Variants in LHFPL4 observed in about 807,000 individuals in gnomAD.
The protein encoded by LHFPL4 is LHFPL tetraspan subfamily member 4.
Under a neutral mutation model 20.0 loss-of-function variants are expected in LHFPL4, and 6 were observed. The ratio of observed to expected loss-of-function variants is 0.30; its 90% CI spans 0.16 to 0.59. The LOEUF (loss-of-function observed/expected upper bound fraction) is 0.59. LHFPL4 is among the 20% of genes least tolerant of loss of function. LHFPL4 has a pLI of 0.88. For synonymous variants in LHFPL4, 129 were observed against 143.8 expected, an observed-to-expected ratio of 0.90 and a Z score of 0.74; for missense variants, 215 against 331.2, an observed-to-expected ratio of 0.65 and a Z score of 2.72.
chr3:9,512,639 T>A (rs1031982893), intron 2 of LHFPL4, among the ~76,000 whole-genome samples: 1 of 152,204 alleles, frequency 6.6e-6, no homozygotes, highest in Non-Finnish European at 1.5e-5. Context: ...TTCCAACCTC[T>A]CTTGCAGTCA....
At chr3:9,509,043 C>T (rs905370565) in intron 2 of LHFPL4, among the ~76,000 whole-genome samples, 7 of 152,210 alleles carry the variant, frequency 4.6e-5, no homozygotes, top group Non-Finnish European at 1.0e-4. Flanking sequence ...GGAAACCGGG[C>T]CTGCATCCCG....
intron 2 of LHFPL4, among the ~76,000 whole-genome samples, chr3:9,536,591 A>G (rs1574851627): frequency 1.3e-5 from 2 of 152,094 alleles, no homozygotes; most frequent in African/African-American, 4.8e-5. Context: ...GTCACCTTCA[A>G]ACTAGTTTCT....
rs2046154863 is a variant in LHFPL4 at position 9,499,411 on chromosome 3, G to C, written c.*2800C>G. 1 of 152,840 alleles carries C rather than the reference G, an allele frequency of 6.5e-6. No individual in the cohort carries two copies. The highest frequency in any genetic ancestry group is 2.4e-5 in the African/African-American group (1 of 41,426). 9.5% of individuals were successfully genotyped at this position (152,840 alleles called of 1,614,324 possible). ...TTCTACCCCTTGCCTGTGTCACCCT[G>C]GGGTTCCCGCAGACTTCAGCCCACA... On this transcript the variant is annotated 3_prime_UTR_variant, in exon 4 of 4. Transcript: ENST00000287585.
intron 2 of LHFPL4, among the ~76,000 whole-genome samples, chr3:9,528,518 C>T (rs2046388527): frequency 6.6e-6 from 1 of 152,190 alleles, no homozygotes; most frequent in African/African-American, 2.4e-5. Flanking sequence ...GTATTCAGCT[C>T]CTCAAAGTCA....
In LHFPL4 at chr3:9,505,932, TCCCGCCGCTG is replaced by T. The variant is rs773846256; in HGVS notation, c.643+25_643+34del. On this transcript the variant is annotated intron_variant, in intron 3 of 3. Transcript: ENST00000287585. Reference sequence around the variant, plus strand: ...CCTGCCTCCCAGGACCAGGCCTGGCTCCCGCCGCTGCCCCCCAGCCCACAGCACACTCGCC... The same window carrying T: ...CCTGCCTCCCAGGACCAGGCCTGGCTCCCCCCAGCCCACAGCACACTCGCC... 14 of 1,582,850 alleles carry T rather than the reference TCCCGCCGCTG, an allele frequency of 8.8e-6. No homozygotes were observed. In the Admixed American group the frequency reaches 2.2e-4, roughly 25 times the overall value.
At chr3:9,510,461 T>G (rs2046250684) in intron 2 of LHFPL4, among the ~76,000 whole-genome samples, 1 of 144,200 alleles carries the variant, frequency 6.9e-6, no homozygotes. Context: ...AAGGCCCTAA[T>G]GTAGGGGATT....
In LHFPL4 at chr3:9,538,759, C is replaced by T. The variant is rs141802174; in HGVS notation, c.406+13515G>A. Reference sequence around the variant, plus strand: ...TGTCACCCAGGCTGGAGTGCAATGGCGCAATCTTGGCTCACTGCAACCTCC... The same window carrying T: ...TGTCACCCAGGCTGGAGTGCAATGGTGCAATCTTGGCTCACTGCAACCTCC... On this transcript the variant is annotated intron_variant, in intron 2 of 3. Transcript: ENST00000287585. Among the ~76,000 whole-genome samples, 788 of 150,986 alleles carry T rather than the reference C, an allele frequency of 5.2e-3. 8 individuals are homozygous for T. Among genetic ancestry groups the T allele is most frequent in the African/African-American group, 0.018 (756 of 41,042 alleles).
At chr3:9,523,308 G>C (rs1309948550) in intron 2 of LHFPL4, among the ~76,000 whole-genome samples, 1 of 151,270 alleles carries the variant, frequency 6.6e-6, no homozygotes, top group Non-Finnish European at 1.5e-5. Context: ...TTGAACCTGG[G>C]AGGCGGAGGT....
At chr3:9,536,019 T>A (rs1559521591) in intron 2 of LHFPL4, among the ~76,000 whole-genome samples, 2 of 152,184 alleles carry the variant, frequency 1.3e-5, no homozygotes, top group Non-Finnish European at 2.9e-5. Flanking sequence ...CAGGCTGGTT[T>A]TGAACTCCTG....
chr3:9,505,850 C>G (rs778843856), intron 3 of LHFPL4, 117 bp downstream of exon 3: 1 of 1,009,052 alleles, frequency 9.9e-7, no homozygotes, highest in Non-Finnish European at 1.5e-6. Flanking sequence ...TGAGCCACCA[C>G]GCCCAGCCAG....
At chr3:9,519,400 A>G (rs1175129433) in intron 2 of LHFPL4, among the ~76,000 whole-genome samples, 1 of 151,980 alleles carries the variant, frequency 6.6e-6, no homozygotes, top group Non-Finnish European at 1.5e-5. Context: ...GATGTTACCA[A>G]TTTGAGTTTC....
At chr3:9,515,992 G>A (rs1404606709) in intron 2 of LHFPL4, among the ~76,000 whole-genome samples, 3 of 152,148 alleles carry the variant, frequency 2.0e-5, no homozygotes, top group Non-Finnish European at 4.4e-5. Context: ...AGGGACTATA[G>A]GCGTGAACCA....
chr3:9,521,928 T>C (rs1297829685), intron 2 of LHFPL4, among the ~76,000 whole-genome samples: 1 of 152,154 alleles, frequency 6.6e-6, no homozygotes, highest in Admixed American at 6.5e-5. Context: ...TTTGTTACTA[T>C]TTTATATTTG....
chr3:9,529,695 C>T (rs1054054949), intron 2 of LHFPL4, among the ~76,000 whole-genome samples: 4 of 151,936 alleles, frequency 2.6e-5, no homozygotes, highest in Non-Finnish European at 5.9e-5. Flanking sequence ...AGTGCAGTGG[C>T]GTGATCTCGG....
At chr3:9,553,222 GCGCTT>G (rs1266532201) in intron 1 of LHFPL4, among the ~76,000 whole-genome samples, 2 of 151,536 alleles carry the variant, frequency 1.3e-5, no homozygotes, top group Non-Finnish European at 2.9e-5. Context: ...GCGGTGGTGG[GCGCTT>G]CTAGGATGGG....
chr3:9,533,521 G>C (rs182184586), intron 2 of LHFPL4, among the ~76,000 whole-genome samples: 1 of 152,204 alleles, frequency 6.6e-6, no homozygotes, highest in Admixed American at 6.5e-5. Flanking sequence ...GGTGGCTCAC[G>C]CCTGTAATCC....
Position 9,502,720 on chromosome 3 carries a change from T to TCAGAGGGG in LHFPL4, c.644-417_644-410dup, listed in dbSNP as rs1223308150. On this transcript the variant is annotated intron_variant, in intron 3 of 3. Transcript: ENST00000287585. ...CTCCATCTCAAAAAAAAAAAAAAGG[T>TCAGAGGGG]CAGAGGGGCAGAGGGGCAGACTGCA... 4.3e-4 allele frequency among the ~76,000 whole-genome samples: 61 copies of TCAGAGGGG among 141,796 alleles called. No individual in the cohort carries two copies. The South Asian group carries it at 7.8e-3, about 18-fold the overall frequency. 93.0% of individuals were successfully genotyped at this position (141,796 alleles called of 152,430 possible). A position where few individuals can be genotyped will look rare whatever the true frequency, so the allele number is the denominator to read the frequency against.
chr3:9,510,735 C>T (rs540938750), intron 2 of LHFPL4, among the ~76,000 whole-genome samples: 1 of 152,032 alleles, frequency 6.6e-6, no homozygotes, highest in African/African-American at 2.4e-5. Flanking sequence ...GTCAGGAGTT[C>T]GAGACCAGCC....
At chr3:9,504,940 T>C (rs1462564741) in intron 3 of LHFPL4, among the ~76,000 whole-genome samples, 1 of 152,188 alleles carries the variant, frequency 6.6e-6, no homozygotes, top group African/African-American at 2.4e-5. Flanking sequence ...AACTTGTTTT[T>C]TTTTTTCCCC....
Sources: allele counts gnomAD v4.1 joint callset (sites outside exome capture counted in the v4.1 genomes callset), GRCh38; gene constraint gnomAD v4.1.1; transcripts MANE v1.5; gene names NCBI Gene and HGNC (gene_info 2026-07-23, HGNC 2026-07-21).